Variants in EYS observed in about 807,000 individuals in gnomAD.
EYS encodes EGF-like photoreceptor maintenance factor.
A neutral mutation model predicts 282.1 loss-of-function variants in EYS; 250 were observed. The ratio of observed to expected loss-of-function variants is 0.89; its 90% CI spans 0.80 to 0.98. The LOEUF (loss-of-function observed/expected upper bound fraction) is 0.98, where lower values mean the gene tolerates loss of function less well. Among genes scored for constraint, EYS ranks in the 50% least tolerant of loss-of-function variants. The probability of loss-of-function intolerance (pLI) is 0.00; values close to 1 mark genes in which losing one functional copy is unlikely to be tolerated. For missense variants in EYS, 4,016 were observed against 3,709.0 expected (o/e 1.08, Z -2.15); for synonymous variants, 1,355 against 1,282.9 (o/e 1.06, Z -1.20).
intron 11 of EYS, chr6:65,330,162 G>A: frequency 1.0e-6 from 1 of 981,224 alleles, no homozygotes; most frequent in Non-Finnish European, 1.2e-6. Context: ...GTGTTCTGAA[G>A]AGTGTATAAT....
chr6:65,683,641 G>T (rs531068632), intron 1 of EYS, among the ~76,000 whole-genome samples: 1 of 152,120 alleles, frequency 6.6e-6, no homozygotes, highest in South Asian at 2.1e-4. Context: ...TAGGGTCCAT[G>T]TTTTATTAAG....
intron 22 of EYS, among the ~76,000 whole-genome samples, chr6:64,713,069 A>T (rs1392216076): frequency 3.3e-5 from 5 of 152,238 alleles, no homozygotes. Flanking sequence ...AGTGCAAAAC[A>T]GCCAAGGAAA....
intron 1 of EYS, among the ~76,000 whole-genome samples, chr6:65,706,649 G>A (rs1769889533): frequency 1.3e-5 from 2 of 152,126 alleles, no homozygotes; most frequent in East Asian, 1.9e-4. Context: ...TCATTAACAT[G>A]AGAATAAACA....
In EYS at chr6:65,140,081, T is replaced by A. The variant is rs138883005; in HGVS notation, c.2024-82354A>T. Reference sequence around the variant, plus strand: ...CAAAATGTGACAGATTTTGTAATGATCTGAAAAGAATTTTCAAGCTGTCAT... The same window carrying A: ...CAAAATGTGACAGATTTTGTAATGAACTGAAAAGAATTTTCAAGCTGTCAT... On this transcript the variant is annotated intron_variant, in intron 12 of 42. Coordinates refer to ENST00000503581, the MANE Select transcript of EYS (RefSeq NM_001142800.2). Among the ~76,000 whole-genome samples the A allele has an allele frequency of 2.0e-3, 298 of 152,136 alleles. 2 individuals carry two copies. Among genetic ancestry groups the A allele is most frequent in the African/African-American group, 6.6e-3 (274 of 41,534 alleles).
At chr6:63,874,575 AT>A (rs1772912617) in intron 35 of EYS, among the ~76,000 whole-genome samples, 1 of 152,000 alleles carries the variant, frequency 6.6e-6, no homozygotes. Context: ...GAATCTATAG[AT>A]TACCTTGGGC....
At chr6:63,824,139 T>G (rs1771394997) in intron 36 of EYS, among the ~76,000 whole-genome samples, 1 of 152,242 alleles carries the variant, frequency 6.6e-6, no homozygotes, top group African/African-American at 2.4e-5. Context: ...AACTATAATA[T>G]GTCACAGGCA....
intron 24 of EYS, among the ~76,000 whole-genome samples, chr6:64,602,270 C>T (rs1325438402): frequency 6.6e-6 from 1 of 151,916 alleles, no homozygotes; most frequent in Non-Finnish European, 1.5e-5. Flanking sequence ...ATTATATTTA[C>T]AAAATTGCCT....
intron 12 of EYS, among the ~76,000 whole-genome samples, chr6:65,276,085 T>C (rs1158123098): frequency 6.6e-6 from 1 of 152,178 alleles, no homozygotes. Flanking sequence ...GGTCTTACCA[T>C]GTTTCCCACT....
chr6:65,133,943 G>C (rs115351246), intron 12 of EYS, among the ~76,000 whole-genome samples: 1,896 of 151,660 alleles, frequency 0.013, 47 homozygotes, highest in African/African-American at 0.043. Flanking sequence ...CCACTAAAAT[G>C]GTTGGAAAAG....
chr6:64,844,665 T>C (rs1765667792), intron 19 of EYS, among the ~76,000 whole-genome samples: 1 of 152,168 alleles, frequency 6.6e-6, no homozygotes, highest in Admixed American at 6.6e-5. Flanking sequence ...GGGAAGCTGA[T>C]ACTTATTTCA....
At chr6:65,043,905 G>T (rs543644066) in intron 13 of EYS, among the ~76,000 whole-genome samples, 8 of 151,660 alleles carry the variant, frequency 5.3e-5, no homozygotes, top group Admixed American at 1.3e-4. Flanking sequence ...ACCCAGAAAT[G>T]GAATTATTTG....
At chr6:63,738,121 AC>A (rs1444657726) in intron 41 of EYS, among the ~76,000 whole-genome samples, 1 of 152,140 alleles carries the variant, frequency 6.6e-6, no homozygotes. Context: ...AAATAGGAAC[AC>A]TTTTACACTG....
chr6:65,604,842 C>CTTTTTTTT (rs10583844), intron 2 of EYS, among the ~76,000 whole-genome samples: 1 of 130,410 alleles, frequency 7.7e-6, no homozygotes, highest in Non-Finnish European at 1.6e-5. Context: ...TCACTGCCCC[C>CTTTTTTTT]TTTTTTTTTT....
Position 65,649,054 on chromosome 6 carries a change from G to A in EYS, c.-447-9162C>T, listed in dbSNP as rs572736125. On this transcript the variant is annotated intron_variant, in intron 1 of 42. Coordinates refer to ENST00000503581, the MANE Select transcript of EYS (RefSeq NM_001142800.2). ...TCAGCTACTCGGGAGGCTGAGGCAG[G>A]AGAATCACTTGAACCTGGGAGGCCA... is the stretch of plus-strand genomic sequence containing the variant. 2.1e-5 allele frequency among the ~76,000 whole-genome samples: 3 copies of A among 145,100 alleles called. No individual in the cohort carries two copies. In the Admixed American group the frequency reaches 2.2e-4, roughly 11 times the overall value.
chr6:64,766,649 A>AAAAAAAAAAAAT (rs1387919586), intron 22 of EYS, among the ~76,000 whole-genome samples: 1 of 19,050 alleles, frequency 5.2e-5, no homozygotes, highest in African/African-American at 1.8e-4. Context: ...AAAAAAAAAA[A>AAAAAAAAAAAAT]ATATATATAT....
At chr6:65,607,098 A>G (rs1765826776) in intron 2 of EYS, among the ~76,000 whole-genome samples, 1 of 151,760 alleles carries the variant, frequency 6.6e-6, no homozygotes, top group South Asian at 2.1e-4. Context: ...ATTTCTTGTG[A>G]AACTTTTGAA....
intron 12 of EYS, among the ~76,000 whole-genome samples, chr6:65,247,546 A>G (rs866471064): frequency 3.3e-5 from 5 of 152,114 alleles, no homozygotes; most frequent in Non-Finnish European, 4.4e-5. Flanking sequence ...TACAGAGAAC[A>G]TTGCCTAGTA....
intron 14 of EYS, among the ~76,000 whole-genome samples, chr6:64,968,956 T>C (rs921116545): frequency 6.6e-6 from 1 of 152,312 alleles, no homozygotes; most frequent in Non-Finnish European, 1.5e-5. Context: ...TCTAATGAGG[T>C]ACCCCAGCTC....
chr6:64,627,818 G>T (rs866595158), intron 22 of EYS, among the ~76,000 whole-genome samples: 1 of 152,148 alleles, frequency 6.6e-6, no homozygotes, highest in Non-Finnish European at 1.5e-5. Flanking sequence ...GGTGGCTCAC[G>T]CCTGTAATCC....
Sources: allele counts gnomAD v4.1 joint callset (sites outside exome capture counted in the v4.1 genomes callset), GRCh38; gene constraint gnomAD v4.1.1; transcripts MANE v1.5; gene names NCBI Gene and HGNC (gene_info 2026-07-23, HGNC 2026-07-21).